SV2B: variants seen among roughly 807,000 people sequenced by gnomAD.
SV2B encodes the protein synaptic vesicle glycoprotein 2B, also known as solute carrier family 22 member B2.
SV2B carries 41 observed loss-of-function variants against 73.9 expected under a neutral mutation model. The observed-to-expected ratio is 0.56, with a 90% CI of 0.43 to 0.72. SV2B has a LOEUF of 0.72. Among genes scored for constraint, SV2B ranks in the 30% least tolerant of loss-of-function variants. SV2B has a pLI of 0.00. For missense variants in SV2B, 764 were observed against 857.8 expected, an observed-to-expected ratio of 0.89 and a Z score of 1.37; for synonymous variants, 314 against 314.2, an observed-to-expected ratio of 1.00 and a Z score of 0.01.
At chr15:91,249,483 G>A (rs2047396775) in intron 2 of SV2B, among the ~76,000 whole-genome samples, 1 of 152,100 alleles carries the variant, frequency 6.6e-6, no homozygotes, top group South Asian at 2.1e-4. Flanking sequence ...AGCAATACTG[G>A]GGGTGAGCAG....
Position 91,266,346 on chromosome 15 carries a change from A to G in SV2B, c.1009-236A>G, listed in dbSNP as rs1006097394. 2.6e-5 allele frequency among the ~76,000 whole-genome samples: 4 copies of G among 152,136 alleles called. No homozygotes were observed. In the South Asian group the frequency reaches 6.2e-4, roughly 24 times the overall value. ...CCTTCTGCTGTCTCCTCATATCCTC[A>G]GTCCTTTGGCTGAAGAAAGAGATGG... On this transcript the variant is annotated intron_variant, in intron 6 of 12. Coordinates refer to ENST00000394232, the MANE Select transcript of SV2B (RefSeq NM_001323032.3).
At position 91,283,875 on chromosome 15, in the gene SV2B, C is replaced by T. The variant is rs1212532640; in HGVS notation, c.1508-146C>T. ...CATCCATACCTTGATGACATGGCCACATATTACCTTGACTTTGAGGCTGTC... is the reference window on the plus strand; with the variant it reads ...CATCCATACCTTGATGACATGGCCATATATTACCTTGACTTTGAGGCTGTC... On this transcript the variant is annotated intron_variant, in intron 10 of 12. Transcript: ENST00000394232. This position sits in a 1 kb window ranked among gnomAD's most constrained non-coding sequence, Gnocchi z 4.3. The T allele has an allele frequency of 2.5e-6, 2 of 797,292 alleles. No individual in the cohort carries two copies. The highest frequency in any genetic ancestry group is 3.4e-5 in the African/African-American group (2 of 59,270). 49.4% of individuals were successfully genotyped at this position (797,292 alleles called of 1,614,324 possible). A position where few individuals can be genotyped will look rare whatever the true frequency, so the allele number is the denominator to read the frequency against.
intron 1 of SV2B, among the ~76,000 whole-genome samples, chr15:91,177,531 ATGT>A (rs199644428): frequency 8.1e-5 from 12 of 147,750 alleles, no homozygotes; most frequent in Non-Finnish European, 1.5e-4. Flanking sequence ...TGAGCATGGA[ATGT>A]TCTTCCATTT....
chr15:91,175,464 C>T (rs11856151), intron 1 of SV2B, among the ~76,000 whole-genome samples: 55,567 of 151,874 alleles, frequency 0.37, 11,403 homozygotes, highest in African/African-American at 0.52. Flanking sequence ...CTGTGTCAGT[C>T]AGGATGGTCT....
intron 1 of SV2B, among the ~76,000 whole-genome samples, chr15:91,202,654 G>C (rs933663683): frequency 2.6e-5 from 4 of 152,162 alleles, no homozygotes; most frequent in Admixed American, 2.0e-4. Context: ...TAGCACACTG[G>C]ATTAATGCTC....
At chr15:91,286,021 A>G (rs2048849157) in intron 11 of SV2B, among the ~76,000 whole-genome samples, 1 of 152,222 alleles carries the variant, frequency 6.6e-6, no homozygotes, top group African/African-American at 2.4e-5. Context: ...ACGCTCTCGA[A>G]TGAGAGATCT....
intron 4 of SV2B, among the ~76,000 whole-genome samples, chr15:91,255,033 G>T (rs905176874): frequency 6.6e-6 from 1 of 152,204 alleles, no homozygotes; most frequent in African/African-American, 2.4e-5. Flanking sequence ...CATCCCTGGA[G>T]CTATGGGTAG....
rs575751981 is a variant in SV2B, at chr15:91,140,737, T to C, written c.-392+40374T>C. 6.6e-6 allele frequency among the ~76,000 whole-genome samples: 1 copy of C among 152,302 alleles called. No individual in the cohort carries two copies. Among genetic ancestry groups the C allele is most frequent in the South Asian group, 2.1e-4 (1 of 4,826 alleles). The stretch of plus-strand genomic sequence containing the variant: ...TACTTCTGTGGCTTAAAACACCACC[T>C]TCTACCAAAGGCATGCTTCTGTTTG... On this transcript the variant is annotated intron_variant, in intron 1 of 12. Coordinates refer to ENST00000394232, the MANE Select transcript of SV2B (RefSeq NM_001323032.3). The surrounding 1 kb of genome is among the most constrained non-coding windows in gnomAD (Gnocchi z 4.4).
chr15:91,300,256 T>TG lies in SV2B; in HGVS notation c.*7704_*7705insG, dbSNP rs1028985118. 46 of 152,310 alleles carry TG rather than the reference T, an allele frequency of 3.0e-4. No individual in the cohort carries two copies. Among genetic ancestry groups the TG allele is most frequent in the Middle Eastern group, 3.4e-3 (1 of 294 alleles). The allele number at this position is 152,310 out of a possible 1,614,324, so 9.4% of individuals were successfully genotyped here. ...AGGAGGAATATCTGACTATTTTTTT[T>TG]TGTGTGTGAGATTTGGTCTCAGCTT... On this transcript the variant is annotated 3_prime_UTR_variant, in exon 13 of 13. Coordinates refer to ENST00000394232, the MANE Select transcript of SV2B (RefSeq NM_001323032.3).
intron 2 of SV2B, among the ~76,000 whole-genome samples, chr15:91,247,817 G>A (rs572878255): frequency 2.0e-5 from 3 of 152,288 alleles, no homozygotes; most frequent in Admixed American, 6.5e-5. Context: ...AAAACTGACC[G>A]GGATTTGTGG....
chr15:91,180,965 C>T (rs948594524), intron 1 of SV2B, among the ~76,000 whole-genome samples: 8 of 152,274 alleles, frequency 5.3e-5, no homozygotes, highest in African/African-American at 9.6e-5. Context: ...GGAGGAGAGG[C>T]GCTCTGCTTT....
chr15:91,214,638 T>C lies in SV2B; in HGVS notation c.-391-11235T>C, dbSNP rs910192205. On this transcript the variant is annotated intron_variant, in intron 1 of 12. Coordinates refer to ENST00000394232, the MANE Select transcript of SV2B (RefSeq NM_001323032.3). The surrounding 1 kb of genome is among the most constrained non-coding windows in gnomAD (Gnocchi z 4.7). The stretch of plus-strand genomic sequence containing the variant: ...CAAGAATTCGCTTTACAACAGCCAC[T>C]GTATGGCAAGAAATATCATTAACAA... Among the ~76,000 whole-genome samples the C allele has an allele frequency of 6.6e-6, 1 of 152,228 alleles. No homozygotes were observed. The highest frequency in any genetic ancestry group is 2.4e-5 in the African/African-American group (1 of 41,454).
At chr15:91,243,690 G>A (rs1006803290) in intron 2 of SV2B, among the ~76,000 whole-genome samples, 11 of 152,166 alleles carry the variant, frequency 7.2e-5, no homozygotes. Flanking sequence ...CGATGATAAA[G>A]TCTCTAGGTT....
At chr15:91,138,879 A>G (rs1405429041) in intron 1 of SV2B, among the ~76,000 whole-genome samples, 2 of 152,226 alleles carry the variant, frequency 1.3e-5, no homozygotes, top group African/African-American at 4.8e-5. Context: ...ATAAGGCACA[A>G]TGAATAAAAA....
intron 1 of SV2B, among the ~76,000 whole-genome samples, chr15:91,210,179 C>T (rs895560106): frequency 5.3e-5 from 8 of 151,878 alleles, no homozygotes; most frequent in Admixed American, 3.9e-4. Flanking sequence ...ATTATTATTT[C>T]GGGTAACTAG....
At chr15:91,177,340 T>G (rs2044354026) in intron 1 of SV2B, among the ~76,000 whole-genome samples, 1 of 151,892 alleles carries the variant, frequency 6.6e-6, no homozygotes, top group Non-Finnish European at 1.5e-5. Context: ...CCTCCAGCTT[T>G]GTTCTTTTGG....
chr15:91,111,858 G>A (rs2042044184), intron 1 of SV2B, among the ~76,000 whole-genome samples: 1 of 152,060 alleles, frequency 6.6e-6, no homozygotes, highest in Admixed American at 6.6e-5. Flanking sequence ...GCAGAAGCAG[G>A]AGCAAGAGAG....
At chr15:91,277,981 GA>G (rs1409528891) in intron 9 of SV2B, among the ~76,000 whole-genome samples, 2 of 152,226 alleles carry the variant, frequency 1.3e-5, no homozygotes, top group African/African-American at 2.4e-5. Flanking sequence ...AAAAGAAAGA[GA>G]GGGGAAGTTG....
chr15:91,202,048 T>G (rs7182325), intron 1 of SV2B, among the ~76,000 whole-genome samples: 7,877 of 152,260 alleles, frequency 0.052, 289 homozygotes, highest in African/African-American at 0.094. Context: ...TCTTCAAATA[T>G]CTGCATGGCT....
Sources: gnomAD v4.1 joint callset for allele counts (sites outside exome capture counted in the v4.1 genomes callset) on GRCh38, gnomAD v4.1.1 for gene constraint, Gnocchi (gnomAD v3.1) non-coding constraint, MANE v1.5 for transcripts, NCBI Gene and HGNC (gene_info 2026-07-23, HGNC 2026-07-21) for gene names.